Variants in PREP observed in about 807,000 individuals in gnomAD.
PREP encodes dJ355L5.1 (prolyl endopeptidase).
Under a neutral mutation model 87.6 loss-of-function variants are expected in PREP, and 29 were observed. The observed-to-expected ratio is 0.33, with a 90% CI of 0.25 to 0.45. The LOEUF (loss-of-function observed/expected upper bound fraction) is 0.45, where lower values mean the gene tolerates loss of function less well. Among genes scored for constraint, PREP ranks in the 20% least tolerant of loss-of-function variants. The pLI is 1.00. For missense variants in PREP, 695 were observed against 886.5 expected (o/e 0.78, Z 2.74); for synonymous variants, 337 against 328.6 (o/e 1.03, Z -0.28).
At chr6:105,338,060 C>A (rs1771525209) in intron 7 of PREP, among the ~76,000 whole-genome samples, 1 of 152,042 alleles carries the variant, frequency 6.6e-6, no homozygotes, top group South Asian at 2.1e-4. Flanking sequence ...GCTGGTAATA[C>A]AAAATTTGAA....
chr6:105,403,077 G>C lies in PREP; in HGVS notation c.-186C>G. The C allele has an allele frequency of 7.5e-6, 2 of 267,586 alleles. No homozygotes were observed. Among genetic ancestry groups the C allele is most frequent in the Non-Finnish European group, 1.4e-5 (2 of 144,288 alleles). The allele number at this position is 267,586 out of a possible 1,614,324, so 16.6% of individuals were successfully genotyped here. ...GGCGGCGCGGCGGCGAGGACGTGCA[G>C]AAAGCAGGAAGCCGCTGTCTGCGAG... On this transcript the variant is annotated 5_prime_UTR_variant, in exon 1 of 15. Transcript: ENST00000652536.
Position 105,373,574 on chromosome 6 carries a change from A to G in PREP, c.390T>C (p.Tyr130=), listed in dbSNP as rs9486069. Residue 130 remains tyrosine (Y), a synonymous_variant, in exon 5 of 15, where the codon TAT becomes TAC. Transcript: ENST00000652536. Reference sequence around the variant, plus strand: ...AATATTCACCATCTTCGCTGAACGCATAACCTATGGGACACAGGAGAAATC... The same window carrying G: ...AATATTCACCATCTTCGCTGAACGCGTAACCTATGGGACACAGGAGAAATC... ...SDDGTVALRG[Y]AFSEDGEYFA... 0.28 allele frequency: 457,758 copies of G among 1,612,670 alleles called. 76,472 individuals carry two copies. The highest frequency in any genetic ancestry group is 0.75 in the African/African-American group (55,876 of 74,950).
intron 6 of PREP, among the ~76,000 whole-genome samples, chr6:105,356,530 G>C (rs1772104087): frequency 6.6e-6 from 1 of 152,140 alleles, no homozygotes; most frequent in African/African-American, 2.4e-5. Context: ...CCCTCCTTTT[G>C]TTATTCTGCC....
chr6:105,347,138 T>A (rs1288799363), intron 7 of PREP, among the ~76,000 whole-genome samples: 1 of 151,660 alleles, frequency 6.6e-6, no homozygotes, highest in East Asian at 1.9e-4. Flanking sequence ...GACTTTCTAC[T>A]GGAAAATTAA....
chr6:105,327,345 TCGAA>T (rs1281921600), intron 9 of PREP, among the ~76,000 whole-genome samples: 2 of 152,184 alleles, frequency 1.3e-5, no homozygotes, highest in Admixed American at 6.5e-5. Flanking sequence ...AGTCGAATTC[TCGAA>T]CGGTCACTTC....
Position 105,385,830 on chromosome 6 carries a change from C to T in PREP, c.121-8311G>A, listed in dbSNP as rs191697018. Among the ~76,000 whole-genome samples the T allele has an allele frequency of 2.0e-5, 3 of 152,232 alleles. No homozygotes were observed. In the East Asian group the frequency reaches 5.8e-4, roughly 29 times the overall value. On this transcript the variant is annotated intron_variant, in intron 2 of 14. Coordinates refer to ENST00000652536, the MANE Select transcript of PREP (RefSeq NM_002726.5). ...AGAAAAATGAGGCTAAAAAACACGACCAATTGTCAGACTGGGTGTGGTGGC... is the reference window on the plus strand; with the variant it reads ...AGAAAAATGAGGCTAAAAAACACGATCAATTGTCAGACTGGGTGTGGTGGC...
intron 14 of PREP, chr6:105,280,590 T>TTGAA (rs951927415): frequency 5.9e-5 from 9 of 152,190 alleles, no homozygotes; most frequent in African/African-American, 2.2e-4. Flanking sequence ...TTAATTGTAT[T>TTGAA]TGAATATATT....
In PREP at chr6:105,328,982, G is replaced by C; in HGVS notation, c.1060C>G (p.Leu354Val). 1 of 1,614,094 alleles carries C rather than the reference G, an allele frequency of 6.2e-7. No individual in the cohort carries two copies. Among genetic ancestry groups the C allele is most frequent in the South Asian group, 1.1e-5 (1 of 91,072 alleles). The change falls in exon 9 of 15, where the codon CTC (leucine) becomes GTC (valine). Residue 354 changes from leucine to valine, a missense_variant. By Grantham distance (32) the Leu-to-Val change is conservative (BLOSUM62 1). This residue lies in a region of PREP where 517 missense variants were observed against 620.3 expected (regional missense o/e 0.83). Transcript: ENST00000652536. Reference sequence around the variant, plus strand: ...TGCAGAATGTTCTTGACGTCATGGAGGTAGCATAAGACCAAGAAGTTGGAC... The same window carrying C: ...TGCAGAATGTTCTTGACGTCATGGACGTAGCATAAGACCAAGAAGTTGGAC... ...VRSNFLVLCY[L>V]HDVKNILQLH...
chr6:105,278,194 C>T lies in PREP; in HGVS notation c.2083G>A (p.Asp695Asn). 1.2e-6 allele frequency: 2 copies of T among 1,614,212 alleles called. No homozygotes were observed. The highest frequency in any genetic ancestry group is 1.7e-6 in the Non-Finnish European group (2 of 1,180,024). The change falls in exon 15 of 15, where the codon GAC (aspartate) becomes AAC (asparagine). Residue 695 changes from aspartate (D) to asparagine (N), a missense_variant. Physicochemically the swap from Asp to Asn is conservative, Grantham distance 23. This residue lies in a region of PREP where 121 missense variants were observed against 154.8 expected (regional missense o/e 0.78). Transcript: ENST00000652536. The surrounding 1 kb of genome is among the most constrained non-coding windows in gnomAD (Gnocchi z 4.2). ...CACCGCGCGATGAACGCAAACATGT[C>T]TGAGACTTCCTCTATCACTTTGGCT... The part of the protein sequence containing the change: ...PTAKVIEEVS[D>N]MFAFIARCLN...
intron 14 of PREP, chr6:105,279,203 GTATTTAA>G (rs747936258): frequency 7.9e-5 from 12 of 152,122 alleles, no homozygotes; most frequent in Non-Finnish European, 1.6e-4. Flanking sequence ...GTTTTTCAAT[GTATTTAA>G]TATTTATTAA....
At chr6:105,381,882 T>C (rs1425544384) in intron 2 of PREP, among the ~76,000 whole-genome samples, 1 of 152,192 alleles carries the variant, frequency 6.6e-6, no homozygotes, top group Non-Finnish European at 1.5e-5. Context: ...ATGTGAAGTG[T>C]TCGTACTGCA....
chr6:105,281,682 GCTGTGA>G, intron 14 of PREP, 58 bp downstream of exon 14: 1 of 1,554,968 alleles, frequency 6.4e-7, no homozygotes. Flanking sequence ...CACTAATCCT[GCTGTGA>G]CTGTGTTCAA....
chr6:105,277,545 A>T lies in PREP; in HGVS notation c.*599T>A, dbSNP rs1769970911. ...ACAGCTTCATCACCTCTAACAAACA[A>T]ACAAACAAGGGAGACAGAGTGGATG... is the stretch of plus-strand genomic sequence containing the variant. On this transcript the variant is annotated 3_prime_UTR_variant, in exon 15 of 15. Transcript: ENST00000652536. 6.5e-6 allele frequency: 1 copy of T among 152,768 alleles called. No individual in the cohort carries two copies. Among genetic ancestry groups the T allele is most frequent in the South Asian group, 2.1e-4 (1 of 4,852 alleles). The allele number at this position is 152,768 out of a possible 1,614,324, so 9.5% of individuals were successfully genotyped here. A position where few individuals can be genotyped will look rare whatever the true frequency, so the allele number is the denominator to read the frequency against.
intron 6 of PREP, among the ~76,000 whole-genome samples, chr6:105,357,917 T>G (rs908747156): frequency 1.8e-4 from 27 of 152,086 alleles, no homozygotes; most frequent in Admixed American, 1.5e-3. Flanking sequence ...AATACTGTTT[T>G]TTTTTTTTTT....
chr6:105,380,592 A>G (rs764077400), intron 2 of PREP, among the ~76,000 whole-genome samples: 1 of 152,144 alleles, frequency 6.6e-6, no homozygotes, highest in Non-Finnish European at 1.5e-5. Flanking sequence ...AAGGGGCAGG[A>G]ACAACCATTA....
chr6:105,277,146 G>A lies in PREP; in HGVS notation c.*998C>T, dbSNP rs1769955653. Among the ~76,000 whole-genome samples the A allele has an allele frequency of 1.3e-5, 2 of 149,810 alleles. No homozygotes were observed. Among genetic ancestry groups the A allele is most frequent in the Non-Finnish European group, 2.9e-5 (2 of 67,840 alleles). On this transcript the variant is annotated 3_prime_UTR_variant, in exon 15 of 15. Transcript: ENST00000652536. ...ATAGTATATCTTAAAAATCTTGGGG[G>A]TGGGCAAACCAAAACTTTTTTTTTT...
At chr6:105,288,065 C>T (rs1447494689) in intron 11 of PREP, among the ~76,000 whole-genome samples, 1 of 152,140 alleles carries the variant, frequency 6.6e-6, no homozygotes, top group African/African-American at 2.4e-5. Context: ...TGAAAAATAT[C>T]ATCAGCTAAG....
At chr6:105,298,757 CTACCAGGACCAGT>C (rs1770470070) in intron 10 of PREP, 1 of 154,120 alleles carries the variant, frequency 6.5e-6, no homozygotes, top group South Asian at 2.0e-4. Flanking sequence ...CTGGAGGAAG[CTACCAGGACCAGT>C]TACAATAATG....
intron 13 of PREP, among the ~76,000 whole-genome samples, chr6:105,282,118 G>C (rs1770095878): frequency 6.6e-6 from 1 of 152,034 alleles, no homozygotes; most frequent in South Asian, 2.1e-4. Flanking sequence ...ATCAGTAATG[G>C]AGCTTTACTC....
Sources: allele counts gnomAD v4.1 joint callset (sites outside exome capture counted in the v4.1 genomes callset), GRCh38; gene constraint gnomAD v4.1.1; regional missense constraint gnomAD v4.1.1; non-coding constraint Gnocchi (gnomAD v3.1); transcripts MANE v1.5; gene names NCBI Gene and HGNC (gene_info 2026-07-23, HGNC 2026-07-21).